The following OR4D10 variants were observed in gnomAD, a reference collection of about 807,000 sequenced individuals.
The protein encoded by OR4D10 is olfactory receptor 4D10.
For synonymous variants in OR4D10, 188 were observed against 153.2 expected, an observed-to-expected ratio of 1.23 and a Z score of -1.68; for missense variants, 395 against 378.0, an observed-to-expected ratio of 1.04 and a Z score of -0.37.
chr11:59,476,582 A>G (rs1858911071), intron 2 of OR4D10, among the ~76,000 whole-genome samples: 1 of 151,986 alleles, frequency 6.6e-6, no homozygotes, highest in Non-Finnish European at 1.5e-5. Flanking sequence ...GGGTCTCCCT[A>G]TGTTGCCTCA....
intron 2 of OR4D10, among the ~76,000 whole-genome samples, chr11:59,476,907 G>C (rs1443625653): frequency 7.1e-6 from 1 of 141,832 alleles, no homozygotes; most frequent in East Asian, 2.0e-4. Context: ...ATGTATTCCT[G>C]TACAGGGCAA....
In OR4D10 at chr11:59,478,191, C is replaced by A. The variant is rs763424686; in HGVS notation, c.762C>A (p.Cys254Ter). The A allele has an allele frequency of 6.2e-7, 1 of 1,613,924 alleles. No homozygotes were observed. ...ITVVTLHFVP[C>*]IYVYARPFTA... is the part of the protein sequence containing the mutation. Reference sequence around the variant, plus strand: ...TGGTGACCCTGCATTTCGTGCCCTGCATCTATGTCTATGCCCGGCCCTTCA... The same window carrying A: ...TGGTGACCCTGCATTTCGTGCCCTGAATCTATGTCTATGCCCGGCCCTTCA... The change falls in exon 3 of 3, where the codon TGC becomes TGA. Residue 254 changes from cysteine to a stop codon, truncating the protein, a stop_gained. Transcript: ENST00000530162. LOFTEE classifies it high-confidence loss of function.
intron 2 of OR4D10, among the ~76,000 whole-genome samples, chr11:59,474,338 A>G (rs1030780272): frequency 6.6e-6 from 1 of 152,204 alleles, no homozygotes; most frequent in Non-Finnish European, 1.5e-5. Flanking sequence ...ATCGTGTATC[A>G]TCTTCACTTA....
chr11:59,478,020 A>C lies in OR4D10; in HGVS notation c.591A>C (p.Leu197=). The C allele has an allele frequency of 6.2e-7, 1 of 1,614,070 alleles. No homozygotes were observed. Among genetic ancestry groups the C allele is most frequent in the Non-Finnish European group, 8.5e-7 (1 of 1,180,006 alleles). Reference sequence around the variant, plus strand: ...ATACAGACATTTTCATACTTGAACTACTAATGATTTCCAACAATGGACTGC... The same window carrying C: ...ATACAGACATTTTCATACTTGAACTCCTAATGATTTCCAACAATGGACTGC... ...LAHTDIFILE[L]LMISNNGLLT... The change falls in exon 3 of 3, where the codon CTA becomes CTC. Residue 197 remains leucine (L), a synonymous_variant. Transcript: ENST00000530162.
chr11:59,475,056 G>A (rs1858888333), intron 2 of OR4D10, among the ~76,000 whole-genome samples: 1 of 3,936 alleles, frequency 2.5e-4, no homozygotes, highest in Admixed American at 1.7e-3. Context: ...GTGAGACTCT[G>A]TCTCAAAAAA....
Position 59,478,304 on chromosome 11 carries a change from A to G in OR4D10, c.875A>G (p.His292Arg), listed in dbSNP as rs773809673. ...CCCTTGATCTACACTCTGAGGAACCATGAGATGAAGTCAGCCATGAGGAGA... is the reference window on the plus strand; with the variant it reads ...CCCTTGATCTACACTCTGAGGAACCGTGAGATGAAGTCAGCCATGAGGAGA... ...LNPLIYTLRN[H>R]EMKSAMRRLK... is the part of the protein sequence containing the mutation. The change falls in exon 3 of 3, where the codon CAT becomes CGT. Residue 292 changes from histidine to arginine, a missense_variant. Physicochemically the swap from His to Arg is conservative, Grantham distance 29. Transcript: ENST00000530162. The G allele has an allele frequency of 1.9e-6, 3 of 1,613,870 alleles. No individual in the cohort carries two copies. The highest frequency in any genetic ancestry group is 2.7e-5 in the African/African-American group (2 of 74,934).
chr11:59,477,824 A>T lies in OR4D10; in HGVS notation c.395A>T (p.Tyr132Phe), dbSNP rs778596801. ...RYVAISKPLH[Y>F]ATIMSRDHCI... ...GTGGCCATCTCCAAGCCCCTGCACTATGCGACTATCATGAGTAGAGACCAT... is the reference window on the plus strand; with the variant it reads ...GTGGCCATCTCCAAGCCCCTGCACTTTGCGACTATCATGAGTAGAGACCAT... Residue 132 changes from tyrosine to phenylalanine, a missense_variant, in exon 3 of 3, where the codon TAT (tyrosine) becomes TTT (phenylalanine). By Grantham distance (22) the Tyr-to-Phe change is conservative (BLOSUM62 3). Transcript: ENST00000530162. 5 of 1,614,074 alleles carry T rather than the reference A, an allele frequency of 3.1e-6. No individual in the cohort carries two copies. The highest frequency in any genetic ancestry group is 4.2e-6 in the Non-Finnish European group (5 of 1,180,010).
In OR4D10 at chr11:59,478,342, C is replaced by T; in HGVS notation, c.913C>T (p.Leu305Phe). 6.3e-7 allele frequency: 1 copy of T among 1,591,030 alleles called. No homozygotes were observed. Among genetic ancestry groups the T allele is most frequent in the East Asian group, 2.2e-5 (1 of 44,678 alleles). The change falls in exon 3 of 3, where the codon CTT becomes TTT. Residue 305 changes from leucine (L) to phenylalanine (F), a missense_variant. Leu to Phe is a conservative substitution (Grantham distance 22, BLOSUM62 0). Transcript: ENST00000530162. Reference sequence around the variant, plus strand: ...AGCCATGAGGAGACTGAAGAGAAGACTTGTGCCTTCTGATAGAAAATAGAA... The same window carrying T: ...AGCCATGAGGAGACTGAAGAGAAGATTTGTGCCTTCTGATAGAAAATAGAA... Reference protein sequence around the residue: ...KSAMRRLKRRLVPSDRK With the variant: ...KSAMRRLKRRFVPSDRK
rs2134561166 is a variant in OR4D10, at chr11:59,478,424, T to C, written c.*59T>C. ...TATCTTATATTTATTATTTTTCCCA[T>C]GAAGTCATATTCATATATTCAAATA... On this transcript the variant is annotated 3_prime_UTR_variant, in exon 3 of 3. Coordinates refer to ENST00000530162, the MANE Select transcript of OR4D10 (RefSeq NM_001004705.2). The C allele has an allele frequency of 8.3e-7, 1 of 1,205,232 alleles. No individual in the cohort carries two copies. Among genetic ancestry groups the C allele is most frequent in the South Asian group, 1.7e-5 (1 of 60,278 alleles). The allele number at this position is 1,205,232 out of a possible 1,614,324, so 74.7% of individuals were successfully genotyped here. A position where few individuals can be genotyped will look rare whatever the true frequency, so the allele number is the denominator to read the frequency against.
Position 59,477,450 on chromosome 11 carries a change from C to T in OR4D10, c.21C>T (p.Thr7=), listed in dbSNP as rs1858918971. Residue 7 remains threonine, a synonymous_variant, in exon 3 of 3, where the codon ACC becomes ACT. Coordinates refer to ENST00000530162, the MANE Select transcript of OR4D10 (RefSeq NM_001004705.2). Reference sequence around the variant, plus strand: ...ATTGAATGGAGATGGAAAACTGCACCAGGGTAAAAGAATTTATTTTCCTTG... The same window carrying T: ...ATTGAATGGAGATGGAAAACTGCACTAGGGTAAAAGAATTTATTTTCCTTG... MEMENC[T]RVKEFIFLGL... 1.3e-6 allele frequency: 2 copies of T among 1,571,638 alleles called. No homozygotes were observed. The highest frequency in any genetic ancestry group is 1.7e-6 in the Non-Finnish European group (2 of 1,159,444).
At position 59,478,125 on chromosome 11, in the gene OR4D10, C is replaced by G. The variant is rs762340580; in HGVS notation, c.696C>G (p.Gly232=). The G allele has an allele frequency of 3.1e-6, 5 of 1,613,984 alleles. No individual in the cohort carries two copies. In the South Asian group the frequency reaches 5.5e-5, roughly 18 times the overall value. The part of the protein sequence containing the change: ...LSLPKSQAGE[G]RRKAISTCTS... ...TACCCAAGTCTCAGGCAGGAGAGGG[C>G]AGGAGGAAAGCCATCTCCACCTGCA... The change falls in exon 3 of 3, where the codon GGC becomes GGG. Residue 232 remains glycine, a synonymous_variant. Transcript: ENST00000530162.
In OR4D10 at chr11:59,478,010, T is replaced by C. The variant is rs115103216; in HGVS notation, c.581T>C (p.Ile194Thr). ...VLKLAHTDIF[I>T]LELLMISNNG... is the part of the protein sequence containing the mutation. The stretch of plus-strand genomic sequence containing the variant: ...AAACTGGCCCATACAGACATTTTCA[T>C]ACTTGAACTACTAATGATTTCCAAC... The change falls in exon 3 of 3, where the codon ATA (isoleucine) becomes ACA (threonine). Residue 194 changes from isoleucine (I) to threonine (T), a missense_variant. Coordinates refer to ENST00000530162, the MANE Select transcript of OR4D10 (RefSeq NM_001004705.2). The C allele has an allele frequency of 1.7e-3, 2,823 of 1,614,158 alleles. 43 individuals are homozygous for C. The African/African-American group carries it at 0.031, about 18-fold the overall frequency.
rs986188385 is a variant in OR4D10, at chr11:59,477,748, A to C, written c.319A>C (p.Ile107Leu). 1.2e-6 allele frequency: 2 copies of C among 1,613,802 alleles called. No individual in the cohort carries two copies. The highest frequency in any genetic ancestry group is 1.7e-6 in the Non-Finnish European group (2 of 1,179,886). Residue 107 changes from isoleucine (I) to leucine (L), a missense_variant, in exon 3 of 3, where the codon ATT (isoleucine) becomes CTT (leucine). Transcript: ENST00000530162. ...CACTCAGATGTTTCTATTCCACCTTATTGGAGGGGTGGATGTATTTTCTCT... is the reference window on the plus strand; with the variant it reads ...CACTCAGATGTTTCTATTCCACCTTCTTGGAGGGGTGGATGTATTTTCTCT... ...CFTQMFLFHL[I>L]GGVDVFSLSV...
In OR4D10 at chr11:59,478,207, C is replaced by G; in HGVS notation, c.778C>G (p.Arg260Gly). The change falls in exon 3 of 3, where the codon CGG (arginine) becomes GGG (glycine). Residue 260 changes from arginine (R) to glycine (G), a missense_variant. Transcript: ENST00000530162. ...CGTGCCCTGCATCTATGTCTATGCC[C>G]GGCCCTTCACTGCCCTCCCCATGGA... ...HFVPCIYVYA[R>G]PFTALPMDKA... is the part of the protein sequence containing the mutation. 1 of 1,613,974 alleles carries G rather than the reference C, an allele frequency of 6.2e-7. No individual in the cohort carries two copies. Among genetic ancestry groups the G allele is most frequent in the Middle Eastern group, 1.6e-4 (1 of 6,062 alleles).
intron 2 of OR4D10, among the ~76,000 whole-genome samples, chr11:59,475,137 C>T (rs1201879721): frequency 6.6e-6 from 1 of 151,346 alleles, no homozygotes; most frequent in Non-Finnish European, 1.5e-5. Flanking sequence ...ACATTTCAGG[C>T]TTTCCTATCC....
chr11:59,475,059 T>TTAAAAA (rs1565083174), intron 2 of OR4D10, among the ~76,000 whole-genome samples: 1 of 5,414 alleles, frequency 1.8e-4, no homozygotes, highest in Non-Finnish European at 7.4e-4. Flanking sequence ...AGACTCTGTC[T>TTAAAAA]CAAAAAAAAA....
Position 59,479,205 on chromosome 11 carries a change from T to G in OR4D10, c.*840T>G, listed in dbSNP as rs975836138. 1.3e-5 allele frequency: 2 copies of G among 152,206 alleles called. No individual in the cohort carries two copies. The highest frequency in any genetic ancestry group is 2.4e-5 in the African/African-American group (1 of 41,452). The allele number at this position is 152,206 out of a possible 1,614,324, so 9.4% of individuals were successfully genotyped here. ...ACTTCCCCAGGAGCAGGGATTATGT[T>G]TTATTTACTGTCACAGCAGCTAAAA... is the stretch of plus-strand genomic sequence containing the variant. On this transcript the variant is annotated 3_prime_UTR_variant, in exon 3 of 3. Transcript: ENST00000530162.
chr11:59,477,735 T>C lies in OR4D10; in HGVS notation c.306T>C (p.Phe102=). 1 of 1,614,218 alleles carries C rather than the reference T, an allele frequency of 6.2e-7. No individual in the cohort carries two copies. The highest frequency in any genetic ancestry group is 8.5e-7 in the Non-Finnish European group (1 of 1,180,036). Residue 102 remains phenylalanine (F), a synonymous_variant, in exon 3 of 3, where the codon TTT becomes TTC. Transcript: ENST00000530162. The part of the protein sequence containing the change: ...ISFNHCFTQM[F]LFHLIGGVDV... ...TCAATCATTGCTTCACTCAGATGTTTCTATTCCACCTTATTGGAGGGGTGG... is the reference window on the plus strand; with the variant it reads ...TCAATCATTGCTTCACTCAGATGTTCCTATTCCACCTTATTGGAGGGGTGG...
chr11:59,474,644 G>C (rs1028828077), intron 2 of OR4D10, among the ~76,000 whole-genome samples: 2 of 152,028 alleles, frequency 1.3e-5, no homozygotes, highest in African/African-American at 2.4e-5. Context: ...TCCCAGAAAG[G>C]GGTCACTGTC....
Sources: gnomAD v4.1 joint callset for allele counts (sites outside exome capture counted in the v4.1 genomes callset) on GRCh38, gnomAD v4.1.1 for gene constraint, MANE v1.5 for transcripts, NCBI Gene and HGNC (gene_info 2026-07-23, HGNC 2026-07-21) for gene names.